The following PKP4 variants were observed in gnomAD, a reference collection of about 807,000 sequenced individuals.
PKP4 encodes the protein plakophilin-4.
In PKP4, 90 loss-of-function variants were observed where a neutral mutation model predicts 145.1. The observed-to-expected ratio is 0.62, with a 90% CI of 0.52 to 0.74. The LOEUF (loss-of-function observed/expected upper bound fraction) is 0.74, where lower values mean the gene tolerates loss of function less well. Ranked by LOEUF, PKP4 falls within the 30% of genes least tolerant of loss-of-function variation. The probability of loss-of-function intolerance (pLI) is 0.00; values close to 1 mark genes in which losing one functional copy is unlikely to be tolerated. For synonymous variants in PKP4, 563 were observed against 577.2 expected, an observed-to-expected ratio of 0.98 and a Z score of 0.35; for missense variants, 1,340 against 1,482.7, an observed-to-expected ratio of 0.90 and a Z score of 1.58.
chr2:158,571,957 G>A (rs2047442072), intron 2 of PKP4, among the ~76,000 whole-genome samples: 1 of 152,178 alleles, frequency 6.6e-6, no homozygotes, highest in Non-Finnish European at 1.5e-5. Flanking sequence ...GTGACTAGAT[G>A]TGCAGTATCC....
At position 158,643,619 on chromosome 2, in the gene PKP4, G is replaced by A. The variant is rs113341147; in HGVS notation, c.1909+920G>A. ...TCCAGGTACTTGGGAGTCTGAAGTA[G>A]GGGGATCACTTAAGCCCAGGAGGTT... On this transcript the variant is annotated intron_variant, in intron 11 of 21. Coordinates refer to ENST00000389759, the MANE Select transcript of PKP4 (RefSeq NM_003628.6). Among the ~76,000 whole-genome samples, 1,292 of 134,334 alleles carry A rather than the reference G, an allele frequency of 9.6e-3. 16 individuals carry two copies. The highest frequency in any genetic ancestry group is 0.03 in the African/African-American group (1,186 of 39,136). The allele number at this position is 134,334 out of a possible 152,430, so 88.1% of individuals were successfully genotyped here.
At chr2:158,526,177 A>G (rs1446607024) in intron 1 of PKP4, among the ~76,000 whole-genome samples, 7 of 130,882 alleles carry the variant, frequency 5.3e-5, no homozygotes, top group African/African-American at 2.0e-4. Context: ...CAGAGACACA[A>G]CCAAAAAAGA....
chr2:158,554,616 G>A (rs950114468), intron 2 of PKP4, among the ~76,000 whole-genome samples: 1 of 151,820 alleles, frequency 6.6e-6, no homozygotes, highest in Non-Finnish European at 1.5e-5. Flanking sequence ...TAGTAAAGAC[G>A]GGGTTTCACT....
At chr2:158,465,153 A>T (rs114549881) in intron 1 of PKP4, among the ~76,000 whole-genome samples, 32 of 152,362 alleles carry the variant, frequency 2.1e-4, no homozygotes, top group African/African-American at 7.2e-4. Flanking sequence ...CATGAGGTAG[A>T]GAAGATTGTC....
chr2:158,676,918 C>T lies in PKP4; in HGVS notation c.3256+51C>T, dbSNP rs115676641. The T allele has an allele frequency of 6.8e-4, 1,097 of 1,612,190 alleles. 6 individuals carry two copies. In the African/African-American group the frequency reaches 0.012, roughly 18 times the overall value. ...ACAGTCTCTTGAAAAGCCGCATTTC[C>T]AGGCGCTTGGCCAGTGGCCTGGGAA... On this transcript the variant is annotated intron_variant, in intron 20 of 21. Coordinates refer to ENST00000389759, the MANE Select transcript of PKP4 (RefSeq NM_003628.6).
chr2:158,491,020 T>G (rs1481225215), intron 1 of PKP4, among the ~76,000 whole-genome samples: 1 of 152,240 alleles, frequency 6.6e-6, no homozygotes, highest in East Asian at 1.9e-4. Context: ...AATCATTACA[T>G]AAATGTTGTT....
chr2:158,489,404 C>T (rs1694626210), intron 1 of PKP4, among the ~76,000 whole-genome samples: 1 of 152,180 alleles, frequency 6.6e-6, no homozygotes, highest in Non-Finnish European at 1.5e-5. Flanking sequence ...CTATCAATAA[C>T]CCTTCTCAGA....
intron 2 of PKP4, among the ~76,000 whole-genome samples, chr2:158,565,435 C>CTTTTTTTTTT (rs10690465): frequency 5.2e-5 from 7 of 135,752 alleles, no homozygotes; most frequent in Admixed American, 7.6e-5. Context: ...TTCTTTTTTC[C>CTTTTTTTTTT]TTTTTTTTTT....
intron 2 of PKP4, among the ~76,000 whole-genome samples, chr2:158,556,706 C>T (rs577333352): frequency 1.3e-5 from 2 of 152,234 alleles, no homozygotes; most frequent in Admixed American, 6.5e-5. Flanking sequence ...ATTTTCTGCA[C>T]CCACAGCTGC....
chr2:158,567,013 G>A (rs971611371), intron 2 of PKP4, among the ~76,000 whole-genome samples: 22 of 152,190 alleles, frequency 1.4e-4, no homozygotes, highest in Admixed American at 2.6e-4. Context: ...TATGCAGGAC[G>A]TGATGTCTGA....
rs374949551 is a variant in PKP4, at chr2:158,533,172, G to T, written c.-5-8G>T. 1.2e-6 allele frequency: 2 copies of T among 1,606,920 alleles called. No homozygotes were observed. The highest frequency in any genetic ancestry group is 2.2e-5 in the East Asian group (1 of 44,746). Reference sequence around the variant, plus strand: ...GAAAGTGTTAACCCTTTGCCTGCTTGATTGCAGGAGGAATGCCAGCTCCTG... The same window carrying T: ...GAAAGTGTTAACCCTTTGCCTGCTTTATTGCAGGAGGAATGCCAGCTCCTG... On this transcript the variant is annotated splice_region_variant and splice_polypyrimidine_tract_variant and intron_variant, in intron 1 of 21. Coordinates refer to ENST00000389759, the MANE Select transcript of PKP4 (RefSeq NM_003628.6).
At chr2:158,614,234 G>T (rs190099076) in intron 4 of PKP4, among the ~76,000 whole-genome samples, 1 of 152,020 alleles carries the variant, frequency 6.6e-6, no homozygotes, top group Admixed American at 6.6e-5. Flanking sequence ...AAAAGATAAT[G>T]GAAAAAAGTA....
intron 2 of PKP4, among the ~76,000 whole-genome samples, chr2:158,538,788 C>T (rs185168646): frequency 2.8e-4 from 42 of 152,176 alleles, no homozygotes; most frequent in African/African-American, 9.2e-4. Context: ...GTGATCTGCC[C>T]ACCTTGGCCT....
At chr2:158,667,525 G>A (rs1044932254) in intron 16 of PKP4, among the ~76,000 whole-genome samples, 3 of 152,140 alleles carry the variant, frequency 2.0e-5, no homozygotes, top group East Asian at 1.9e-4. Flanking sequence ...GGATTCATGT[G>A]AATCTATAGT....
chr2:158,679,949 G>C (rs1417683058), intron 21 of PKP4, among the ~76,000 whole-genome samples: 2 of 152,212 alleles, frequency 1.3e-5, no homozygotes, highest in African/African-American at 4.8e-5. Context: ...CATATCTGAA[G>C]TAAATGTTCT....
intron 3 of PKP4, among the ~76,000 whole-genome samples, chr2:158,597,860 G>C (rs1490238065): frequency 6.6e-6 from 1 of 152,142 alleles, no homozygotes; most frequent in East Asian, 1.9e-4. Context: ...AGGCTGGAGT[G>C]TGGTGGCATG....
At chr2:158,600,657 G>T (rs1164415365) in intron 3 of PKP4, among the ~76,000 whole-genome samples, 1 of 152,166 alleles carries the variant, frequency 6.6e-6, no homozygotes, top group Admixed American at 6.5e-5. Flanking sequence ...GTCATTTGAA[G>T]TGAGTAATTC....
At chr2:158,672,881 C>T (rs1218724780) in intron 17 of PKP4, among the ~76,000 whole-genome samples, 1 of 152,032 alleles carries the variant, frequency 6.6e-6, no homozygotes, top group Non-Finnish European at 1.5e-5. Context: ...GATTTTAGAT[C>T]GGGTATATAC....
rs1317464653 is a variant in PKP4, at chr2:158,640,778, G to T, written c.1695+19G>T. 1 of 1,613,134 alleles carries T rather than the reference G, an allele frequency of 6.2e-7. No individual in the cohort carries two copies. The highest frequency in any genetic ancestry group is 8.5e-7 in the Non-Finnish European group (1 of 1,179,374). ...GATGGAGGTACAGGACATGGTGCCT[G>T]GGATGACTGGGGAAAATAATGCCTT... On this transcript the variant is annotated intron_variant, in intron 10 of 21. Coordinates refer to ENST00000389759, the MANE Select transcript of PKP4 (RefSeq NM_003628.6).
Sources: gnomAD v4.1 joint callset for allele counts (sites outside exome capture counted in the v4.1 genomes callset) on GRCh38, gnomAD v4.1.1 for gene constraint, MANE v1.5 for transcripts, NCBI Gene and HGNC (gene_info 2026-07-23, HGNC 2026-07-21) for gene names.